Variants in STAB2 observed in about 807,000 individuals in gnomAD.
The protein encoded by STAB2 is stabilin 2.
STAB2 carries 288 observed loss-of-function variants against 338.1 expected under a neutral mutation model. The ratio of observed to expected loss-of-function variants is 0.85; its 90% CI spans 0.77 to 0.94. The LOEUF (loss-of-function observed/expected upper bound fraction) is 0.94. STAB2 is among the 40% of genes least tolerant of loss of function. STAB2 has a pLI of 0.00. For synonymous variants in STAB2, 1,202 were observed against 1,193.3 expected (o/e 1.01, Z -0.15); for missense variants, 3,141 against 3,210.1 (o/e 0.98, Z 0.52).
chr12:103,678,565 C>G (rs7956692), intron 25 of STAB2, among the ~76,000 whole-genome samples: 1 of 152,084 alleles, frequency 6.6e-6, no homozygotes, highest in Non-Finnish European at 1.5e-5. Context: ...CTCGCTCTGT[C>G]GCCCAGGCTG....
At chr12:103,662,736 ATGT>A in intron 17 of STAB2, 107 bp from the exon 18 acceptor site, 1 of 1,282,972 alleles carries the variant, frequency 7.8e-7, no homozygotes, top group East Asian at 2.4e-5. Context: ...AAGTTAAGTG[ATGT>A]TGAGGACTTT....
intron 22 of STAB2, among the ~76,000 whole-genome samples, chr12:103,671,540 T>C (rs571940549): frequency 8.1e-4 from 123 of 152,334 alleles, no homozygotes; most frequent in South Asian, 2.7e-3. Context: ...TTGGGCAAGT[T>C]ACTCTACTTC....
In STAB2 at chr12:103,654,797, C is replaced by T. The variant is rs977573458; in HGVS notation, c.1551+99C>T. Reference sequence around the variant, plus strand: ...ATGCCAGCACTCTGTGCTTGTGCTTCGTTTGTGCTAGGATCCCGAGCAGAG... The same window carrying T: ...ATGCCAGCACTCTGTGCTTGTGCTTTGTTTGTGCTAGGATCCCGAGCAGAG... On this transcript the variant is annotated intron_variant, in intron 13 of 68. Coordinates refer to ENST00000388887, the MANE Select transcript of STAB2 (RefSeq NM_017564.10). 30 of 1,432,304 alleles carry T rather than the reference C, an allele frequency of 2.1e-5. No homozygotes were observed. The African/African-American group carries it at 3.2e-4, about 15-fold the overall frequency. The allele number at this position is 1,432,304 out of a possible 1,614,324, so 88.7% of individuals were successfully genotyped here.
intron 17 of STAB2, among the ~76,000 whole-genome samples, chr12:103,661,447 A>G (rs545637775): frequency 6.6e-6 from 1 of 152,352 alleles, no homozygotes; most frequent in African/African-American, 2.4e-5. Flanking sequence ...TGCATCAGGC[A>G]CTGTTGTAGG....
intron 4 of STAB2, 60 bp from the exon 5 acceptor site, chr12:103,621,982 C>A (rs1475904645): frequency 2.0e-6 from 3 of 1,520,978 alleles, no homozygotes; most frequent in East Asian, 4.5e-5. Flanking sequence ...AAATCCAAGG[C>A]CTTCCTTGGT....
rs1004807019 is a variant in STAB2, at chr12:103,637,293, A to G, written c.709+57A>G. ...CATTGAGATGTTTAGGTTATTTAACAGGAAAAAAAAATCTCACAACCTCCT... is the reference window on the plus strand; with the variant it reads ...CATTGAGATGTTTAGGTTATTTAACGGGAAAAAAAAATCTCACAACCTCCT... On this transcript the variant is annotated intron_variant, in intron 7 of 68. Coordinates refer to ENST00000388887, the MANE Select transcript of STAB2 (RefSeq NM_017564.10). 1.9e-6 allele frequency: 3 copies of G among 1,567,272 alleles called. No homozygotes were observed. In the African/African-American group the frequency reaches 4.2e-5, roughly 22 times the overall value.
chr12:103,692,396 A>AGG (rs35281586), intron 30 of STAB2, among the ~76,000 whole-genome samples: 2 of 151,934 alleles, frequency 1.3e-5, no homozygotes, highest in East Asian at 1.9e-4. Context: ...TTGTGGGGGC[A>AGG]GGGGGGGACA....
At chr12:103,605,623 C>T (rs831683) in intron 3 of STAB2, among the ~76,000 whole-genome samples, 119,767 of 151,858 alleles carry the variant, frequency 0.79, 47,500 homozygotes, top group East Asian at 1. Context: ...AATGAGTTTT[C>T]GTTTCATGTA....
chr12:103,709,354 C>G (rs932210422), intron 39 of STAB2, among the ~76,000 whole-genome samples: 1 of 152,140 alleles, frequency 6.6e-6, no homozygotes, highest in Non-Finnish European at 1.5e-5. Context: ...GGCGCCGGGC[C>G]GTGAAACGCT....
chr12:103,657,384 A>G (rs1056114417), intron 15 of STAB2, among the ~76,000 whole-genome samples: 1 of 152,178 alleles, frequency 6.6e-6, no homozygotes, highest in African/African-American at 2.4e-5. Flanking sequence ...ATTAAAATAA[A>G]ACCTTTTAAC....
chr12:103,590,861 CA>C (rs921633672), intron 1 of STAB2, 35 bp from the exon 2 acceptor site: 7 of 1,612,984 alleles, frequency 4.3e-6, no homozygotes, highest in African/African-American at 4.0e-5. Flanking sequence ...ACTCTGATAA[CA>C]GGAATTAATG....
chr12:103,704,740 C>A lies in STAB2; in HGVS notation c.3900+126C>A, dbSNP rs990409904. ...TTCACTTAATTTGAATTACACTTTA[C>A]CTCGTTATATTATATGCATCTTTGT... On this transcript the variant is annotated intron_variant, in intron 36 of 68. Transcript: ENST00000388887. 4.8e-6 allele frequency: 4 copies of A among 826,898 alleles called. No individual in the cohort carries two copies. The South Asian group carries it at 5.6e-5, about 11-fold the overall frequency. The allele number at this position is 826,898 out of a possible 1,614,324, so 51.2% of individuals were successfully genotyped here.
chr12:103,737,604 C>G, intron 52 of STAB2, 30 bp from the exon 53 acceptor site: 4 of 1,054,064 alleles, frequency 3.8e-6, no homozygotes, highest in East Asian at 3.7e-5. Flanking sequence ...CTCTCTCTTT[C>G]TCTTTTTTTT....
At chr12:103,623,272 G>A (rs1957330959) in intron 5 of STAB2, among the ~76,000 whole-genome samples, 2 of 152,134 alleles carry the variant, frequency 1.3e-5, no homozygotes, top group Non-Finnish European at 2.9e-5. Context: ...TAGTGTGGTG[G>A]GCAGAATAAC....
chr12:103,699,999 G>A (rs576021782), intron 34 of STAB2, among the ~76,000 whole-genome samples: 1 of 152,306 alleles, frequency 6.6e-6, no homozygotes, highest in Non-Finnish European at 1.5e-5. Flanking sequence ...ATACACAGGA[G>A]CCAGCAGCCA....
chr12:103,662,767 A>C, intron 17 of STAB2, 79 bp from the exon 18 acceptor site: 1 of 1,529,180 alleles, frequency 6.5e-7, no homozygotes, highest in Non-Finnish European at 8.8e-7. Context: ...AGTTGCCACC[A>C]TTCAGTCTGC....
chr12:103,693,948 C>T (rs375833973), intron 31 of STAB2, among the ~76,000 whole-genome samples: 4 of 150,696 alleles, frequency 2.7e-5, no homozygotes, highest in East Asian at 1.9e-4. Flanking sequence ...GTCAAGAGAT[C>T]GAAACCATCC....
rs549367079 is a variant in STAB2 at position 103,722,715 on chromosome 12, C to T, written c.4684-2260C>T. Among the ~76,000 whole-genome samples, 7 of 150,304 alleles carry T rather than the reference C, an allele frequency of 4.7e-5. No individual in the cohort carries two copies. In the East Asian group the frequency reaches 5.8e-4, roughly 12 times the overall value. Reference sequence around the variant, plus strand: ...AGTCTTTGTTCATCTATACCTAGTACGTTCTCTTAAAGGAAAAAAAAAGGA... The same window carrying T: ...AGTCTTTGTTCATCTATACCTAGTATGTTCTCTTAAAGGAAAAAAAAAGGA... On this transcript the variant is annotated intron_variant, in intron 44 of 68. Transcript: ENST00000388887.
intron 18 of STAB2, 53 bp from the exon 19 acceptor site, chr12:103,666,238 C>A: frequency 6.4e-7 from 1 of 1,569,144 alleles, no homozygotes; most frequent in Non-Finnish European, 8.8e-7. Flanking sequence ...GGACCATCGC[C>A]ACTGCTCCCT....
Sources: allele counts gnomAD v4.1 joint callset (sites outside exome capture counted in the v4.1 genomes callset), GRCh38; gene constraint gnomAD v4.1.1; transcripts MANE v1.5; gene names NCBI Gene and HGNC (gene_info 2026-07-23, HGNC 2026-07-21).